Variants in EEFSEC observed in about 807,000 individuals in gnomAD.
EEFSEC encodes selenocysteine-specific elongation factor.
A neutral mutation model predicts 42.1 loss-of-function variants in EEFSEC; 43 were observed. The observed-to-expected ratio is 1.02, with a 90% CI of 0.80 to 1.32. The LOEUF (loss-of-function observed/expected upper bound fraction) is 1.32. Among genes scored for constraint, EEFSEC ranks in the 40% most tolerant of loss-of-function variants. The probability of loss-of-function intolerance (pLI) is 0.00; values close to 1 mark genes in which losing one functional copy is unlikely to be tolerated. For missense variants in EEFSEC, 745 were observed against 803.6 expected (o/e 0.93, Z 0.88); for synonymous variants, 354 against 339.1 (o/e 1.04, Z -0.48).
Position 128,408,175 on chromosome 3 carries a change from C to T in EEFSEC, c.1707C>T (p.Ser569=), listed in dbSNP as rs199711775. ...ATRQEESAER[S]EPSQHVVLSL... ...GGCAGGAGGAGAGCGCCGAGCGGAG[C>T]GAGCCCTCACAGCATGTGGTGCTCA... The change falls in exon 7 of 7, where the codon AGC becomes AGT. Residue 569 remains serine, a synonymous_variant. Transcript: ENST00000254730. 34 of 1,612,780 alleles carry T rather than the reference C, an allele frequency of 2.1e-5. No homozygotes were observed. Among genetic ancestry groups the T allele is most frequent in the South Asian group, 6.6e-5 (6 of 90,952 alleles).
chr3:128,291,162 A>G (rs1409096399), intron 4 of EEFSEC, among the ~76,000 whole-genome samples: 1 of 151,896 alleles, frequency 6.6e-6, no homozygotes, highest in African/African-American at 2.4e-5. Flanking sequence ...CATCCAGGCT[A>G]TATATTTTAT....
chr3:128,222,801 T>G (rs921904491), intron 1 of EEFSEC, among the ~76,000 whole-genome samples: 5 of 152,228 alleles, frequency 3.3e-5, no homozygotes, highest in African/African-American at 1.2e-4. Flanking sequence ...TGAACATTTT[T>G]TAGCTGTATT....
chr3:128,209,430 G>C (rs921668959), intron 1 of EEFSEC, among the ~76,000 whole-genome samples: 5 of 152,112 alleles, frequency 3.3e-5, no homozygotes, highest in Non-Finnish European at 7.4e-5. Context: ...AGAGATGTGG[G>C]GAACTTGGAT....
At chr3:128,395,021 G>A (rs1192593999) in intron 6 of EEFSEC, among the ~76,000 whole-genome samples, 1 of 152,214 alleles carries the variant, frequency 6.6e-6, no homozygotes, top group Non-Finnish European at 1.5e-5. Flanking sequence ...TGCATGCAGC[G>A]TTGGTCTCCA....
intron 4 of EEFSEC, among the ~76,000 whole-genome samples, chr3:128,265,135 GA>G (rs779961584): frequency 2.1e-4 from 24 of 116,136 alleles, no homozygotes; most frequent in Non-Finnish European, 4.0e-4. Flanking sequence ...TGCTGGAGGG[GA>G]AACCTCCCTT....
intron 4 of EEFSEC, among the ~76,000 whole-genome samples, chr3:128,320,174 A>T (rs1376940430): frequency 6.6e-6 from 1 of 152,196 alleles, no homozygotes; most frequent in Non-Finnish European, 1.5e-5. Flanking sequence ...GCTTACTGTC[A>T]CCTTCTCCAG....
At chr3:128,369,109 G>A (rs1431241779) in intron 6 of EEFSEC, among the ~76,000 whole-genome samples, 4 of 152,224 alleles carry the variant, frequency 2.6e-5, no homozygotes, top group African/African-American at 9.6e-5. Context: ...CAAAGGCACT[G>A]TGAGGCTCAG....
chr3:128,293,337 C>G (rs1008617030), intron 4 of EEFSEC, among the ~76,000 whole-genome samples: 1 of 152,154 alleles, frequency 6.6e-6, no homozygotes, highest in Admixed American at 6.5e-5. Context: ...CCTATAAGGA[C>G]ATCCTCTCCT....
chr3:128,233,051 G>A (rs550789413), intron 1 of EEFSEC, among the ~76,000 whole-genome samples: 3 of 152,290 alleles, frequency 2.0e-5, no homozygotes, highest in African/African-American at 7.2e-5. Flanking sequence ...GATGCCTGGC[G>A]CATCATTAAT....
At chr3:128,329,617 C>T (rs1211641264) in intron 4 of EEFSEC, among the ~76,000 whole-genome samples, 1 of 152,218 alleles carries the variant, frequency 6.6e-6, no homozygotes, top group Non-Finnish European at 1.5e-5. Context: ...CAGCTCTGCC[C>T]AGGCACAGGG....
At chr3:128,349,083 G>T (rs900600913) in intron 5 of EEFSEC, among the ~76,000 whole-genome samples, 5 of 152,230 alleles carry the variant, frequency 3.3e-5, no homozygotes, top group African/African-American at 1.2e-4. Flanking sequence ...AAACAGGAAG[G>T]TGGAGGAGGG....
intron 4 of EEFSEC, among the ~76,000 whole-genome samples, chr3:128,313,311 T>A (rs1432084483): frequency 6.6e-6 from 1 of 152,186 alleles, no homozygotes; most frequent in Non-Finnish European, 1.5e-5. Context: ...CAGGGCAAAA[T>A]GGAGATGCAA....
At chr3:128,341,173 T>C (rs993356600) in intron 4 of EEFSEC, 60 bp from the exon 5 acceptor site, 28 of 1,533,618 alleles carry the variant, frequency 1.8e-5, no homozygotes, top group Non-Finnish European at 2.3e-5. Context: ...AGCTCCCCTC[T>C]CCTCCCCACA....
intron 5 of EEFSEC, among the ~76,000 whole-genome samples, chr3:128,344,783 A>G (rs1455214452): frequency 6.6e-6 from 1 of 152,190 alleles, no homozygotes; most frequent in Non-Finnish European, 1.5e-5. Flanking sequence ...CAGCCATTTA[A>G]TCTCAATTGT....
Position 128,247,032 on chromosome 3 carries a change from A to G in EEFSEC, c.513A>G (p.Leu171=). ...TGACCAAGAAAATGCAGAAGACCCT[A>G]GAGAACACCAAGTAGGTCTGCTAAT... ...DKMTKKMQKT[L]ENTKFRGAPI... is the part of the protein sequence containing the mutation. The change falls in exon 2 of 7, where the codon CTA becomes CTG. Residue 171 remains leucine (L), a synonymous_variant. Transcript: ENST00000254730. 1 of 1,614,062 alleles carries G rather than the reference A, an allele frequency of 6.2e-7. No individual in the cohort carries two copies. The highest frequency in any genetic ancestry group is 8.5e-7 in the Non-Finnish European group (1 of 1,180,030).
chr3:128,337,405 T>C (rs2067201570), intron 4 of EEFSEC, among the ~76,000 whole-genome samples: 1 of 152,186 alleles, frequency 6.6e-6, no homozygotes, highest in Non-Finnish European at 1.5e-5. Context: ...GAACATGCTT[T>C]GAATAAAGCC....
intron 4 of EEFSEC, among the ~76,000 whole-genome samples, chr3:128,331,121 C>G: frequency 4.7e-5 from 1 of 21,492 alleles, no homozygotes; most frequent in East Asian, 1.3e-3. Flanking sequence ...CTCTTCCCCC[C>G]TTCTCAGTGC....
rs189655649 is a variant in EEFSEC at position 128,379,227 on chromosome 3, C to T, written c.1600+20854C>T. On this transcript the variant is annotated intron_variant, in intron 6 of 6. Transcript: ENST00000254730. Reference sequence around the variant, plus strand: ...CCTGGAAGCCGTCCTGACGGAGGAGCACCTTTACCAAGCGCAGAGAGCACT... The same window carrying T: ...CCTGGAAGCCGTCCTGACGGAGGAGTACCTTTACCAAGCGCAGAGAGCACT... Among the ~76,000 whole-genome samples the T allele has an allele frequency of 9.8e-5, 15 of 152,310 alleles. No homozygotes were observed. The East Asian group carries it at 2.9e-3, about 29-fold the overall frequency.
At chr3:128,215,789 C>T (rs577164287) in intron 1 of EEFSEC, among the ~76,000 whole-genome samples, 3 of 152,226 alleles carry the variant, frequency 2.0e-5, no homozygotes, top group East Asian at 1.9e-4. Flanking sequence ...TCTTAGGCCA[C>T]CCGGCTCCTG....
Sources: gnomAD v4.1 joint callset for allele counts (sites outside exome capture counted in the v4.1 genomes callset) on GRCh38, gnomAD v4.1.1 for gene constraint, MANE v1.5 for transcripts, NCBI Gene and HGNC (gene_info 2026-07-23, HGNC 2026-07-21) for gene names.